TENM4: variants seen among roughly 807,000 people sequenced by gnomAD.
TENM4 encodes the protein teneurin-4.
Under a neutral mutation model 243.3 loss-of-function variants are expected in TENM4, and 82 were observed. The observed-to-expected ratio is 0.34, with a 90% CI of 0.28 to 0.40. TENM4 has a LOEUF of 0.40. TENM4 is among the 10% of genes least tolerant of loss of function. TENM4 has a pLI of 1.00. For missense variants in TENM4, 3,138 were observed against 3,673.3 expected, an observed-to-expected ratio of 0.85 and a Z score of 3.77; for synonymous variants, 1,412 against 1,456.3, an observed-to-expected ratio of 0.97 and a Z score of 0.69.
In TENM4 at chr11:79,014,243, C is replaced by T. The variant is rs568560414; in HGVS notation, c.493+50495G>A. Among the ~76,000 whole-genome samples the T allele has an allele frequency of 3.0e-3, 464 of 152,308 alleles. 4 individuals carry two copies. The highest frequency in any genetic ancestry group is 0.011 in the African/African-American group (451 of 41,558). ...TAACTTAGATGTTGTCATCATGATG[C>T]TTGAGCCAAGAGAACCTTAGGAACC... On this transcript the variant is annotated intron_variant, in intron 6 of 33. Coordinates refer to ENST00000278550, the MANE Select transcript of TENM4 (RefSeq NM_001098816.3).
At chr11:78,712,384 T>G in intron 26 of TENM4, 98 bp downstream of exon 26, 1 of 1,197,706 alleles carries the variant, frequency 8.3e-7, no homozygotes, top group South Asian at 1.5e-5. Flanking sequence ...TTCTTGGTAT[T>G]TTCCAAAAAT....
chr11:79,221,460 A>G (rs547237794), intron 2 of TENM4, among the ~76,000 whole-genome samples: 4 of 151,504 alleles, frequency 2.6e-5, no homozygotes, highest in South Asian at 2.1e-4. Flanking sequence ...AAAAAGGGGG[A>G]AAAAAAAACA....
At chr11:79,197,863 G>A (rs543152151) in intron 3 of TENM4, among the ~76,000 whole-genome samples, 2 of 152,166 alleles carry the variant, frequency 1.3e-5, no homozygotes, top group South Asian at 4.2e-4. Flanking sequence ...GAAGGTAGAA[G>A]CCTTTCTGCA....
intron 4 of TENM4, among the ~76,000 whole-genome samples, chr11:79,123,111 T>C (rs151335474): frequency 5.3e-5 from 8 of 152,184 alleles, no homozygotes; most frequent in Admixed American, 6.5e-5. Context: ...CTGGGAAACG[T>C]TGGGAAAGGG....
At chr11:79,163,191 T>G (rs1265081871) in intron 3 of TENM4, among the ~76,000 whole-genome samples, 1 of 150,362 alleles carries the variant, frequency 6.7e-6, no homozygotes, top group East Asian at 2.0e-4. Context: ...AGAGGGAGAG[T>G]GAGAGAAGGA....
intron 6 of TENM4, among the ~76,000 whole-genome samples, chr11:79,023,224 C>T (rs909384937): frequency 2.0e-5 from 3 of 152,142 alleles, no homozygotes; most frequent in Non-Finnish European, 4.4e-5. Flanking sequence ...CCACCACCCT[C>T]ACATTAGGGA....
intron 2 of TENM4, among the ~76,000 whole-genome samples, chr11:79,283,677 T>A (rs1856199411): frequency 6.6e-6 from 1 of 152,224 alleles, no homozygotes; most frequent in African/African-American, 2.4e-5. Flanking sequence ...CTCTCATCAC[T>A]TCTTTGAATA....
At chr11:79,375,772 A>C (rs574195389) in intron 1 of TENM4, among the ~76,000 whole-genome samples, 1 of 152,280 alleles carries the variant, frequency 6.6e-6, no homozygotes, top group South Asian at 2.1e-4. Context: ...GGAGACCTGA[A>C]GGCCATAGGA....
chr11:79,108,972 A>G (rs1017373537), intron 4 of TENM4, among the ~76,000 whole-genome samples: 2 of 152,090 alleles, frequency 1.3e-5, no homozygotes, highest in African/African-American at 4.8e-5. Context: ...CCACCGCTTG[A>G]AATTTTCTCT....
At chr11:78,866,773 C>T (rs530557817) in intron 9 of TENM4, among the ~76,000 whole-genome samples, 1 of 152,316 alleles carries the variant, frequency 6.6e-6, no homozygotes, top group South Asian at 2.1e-4. Context: ...CCAACTTAGA[C>T]TGAATCTCTC....
intron 1 of TENM4, among the ~76,000 whole-genome samples, chr11:79,313,328 T>C (rs904506692): frequency 1.3e-5 from 2 of 152,258 alleles, no homozygotes; most frequent in African/African-American, 4.8e-5. Context: ...AAGATTCTCA[T>C]CCAGGTCTCC....
chr11:79,011,755 T>C (rs1035857780), intron 6 of TENM4, among the ~76,000 whole-genome samples: 2 of 152,224 alleles, frequency 1.3e-5, no homozygotes, highest in African/African-American at 4.8e-5. Flanking sequence ...TAATGTAATT[T>C]AGAGGAATAT....
rs191226193 is a variant in TENM4 at position 78,754,939 on chromosome 11, G to A, written c.2756+1866C>T. Among the ~76,000 whole-genome samples, 6 of 152,236 alleles carry A rather than the reference G, an allele frequency of 3.9e-5. No homozygotes were observed. The East Asian group carries it at 1.2e-3, about 29-fold the overall frequency. On this transcript the variant is annotated intron_variant, in intron 19 of 33. Coordinates refer to ENST00000278550, the MANE Select transcript of TENM4 (RefSeq NM_001098816.3). Reference sequence around the variant, plus strand: ...CATCTCACCTTTCTCATCTCGTCACGACTCCTTGCAAGGATGGGCTAGGGT... The same window carrying A: ...CATCTCACCTTTCTCATCTCGTCACAACTCCTTGCAAGGATGGGCTAGGGT...
intron 28 of TENM4, 131 bp downstream of exon 28, chr11:78,701,395 G>A (rs1405922968): frequency 1.8e-5 from 22 of 1,216,590 alleles, no homozygotes; most frequent in Non-Finnish European, 2.4e-5. Context: ...ATATGAACAT[G>A]TAGAATGTAT....
intron 3 of TENM4, among the ~76,000 whole-genome samples, chr11:79,178,381 T>C (rs549282644): frequency 1.4e-4 from 22 of 152,036 alleles, no homozygotes; most frequent in Non-Finnish European, 2.8e-4. Context: ...ACCTGGAGGT[T>C]GTATAAGATC....
At chr11:79,022,896 A>T (rs1331454089) in intron 6 of TENM4, among the ~76,000 whole-genome samples, 4 of 152,216 alleles carry the variant, frequency 2.6e-5, no homozygotes, top group African/African-American at 9.6e-5. Context: ...TACTCTATAG[A>T]CATTATCTCT....
intron 6 of TENM4, among the ~76,000 whole-genome samples, chr11:79,007,826 T>A (rs1321931853): frequency 6.6e-6 from 1 of 152,218 alleles, no homozygotes; most frequent in Non-Finnish European, 1.5e-5. Flanking sequence ...TGGCTCTTTA[T>A]CATGACTATG....
intron 2 of TENM4, among the ~76,000 whole-genome samples, chr11:79,278,247 G>A (rs1856094636): frequency 6.6e-6 from 1 of 152,190 alleles, no homozygotes; most frequent in Non-Finnish European, 1.5e-5. Flanking sequence ...GGTTCACAAG[G>A]CCATTCACTG....
intron 26 of TENM4, among the ~76,000 whole-genome samples, chr11:78,710,850 G>T (rs1859380535): frequency 6.6e-6 from 1 of 152,230 alleles, no homozygotes; most frequent in Non-Finnish European, 1.5e-5. Context: ...AGGGTGGGGG[G>T]CCACGAGGGC....
Sources: gnomAD v4.1 joint callset for allele counts (sites outside exome capture counted in the v4.1 genomes callset) on GRCh38, gnomAD v4.1.1 for gene constraint, MANE v1.5 for transcripts, NCBI Gene and HGNC (gene_info 2026-07-23, HGNC 2026-07-21) for gene names.